The following ITPR2 variants were observed in gnomAD, a reference collection of about 807,000 sequenced individuals.
The protein encoded by ITPR2 is inositol 1,4,5-trisphosphate receptor type 2, also known as inositol 1,4,5-trisphosphate-gated calcium channel ITPR2.
Under a neutral mutation model 317.1 loss-of-function variants are expected in ITPR2, and 207 were observed. The observed-to-expected ratio is 0.65, with a 90% CI of 0.58 to 0.73. ITPR2 has a LOEUF of 0.73. Ranked by LOEUF, ITPR2 falls within the 30% of genes least tolerant of loss-of-function variation. The pLI is 0.00. For synonymous variants in ITPR2, 1,156 were observed against 1,149.1 expected (o/e 1.01, Z -0.12); for missense variants, 2,613 against 3,284.0 (o/e 0.80, Z 4.99).
Position 26,772,762 on chromosome 12 carries a change from C to A in ITPR2, c.163+17395G>T, listed in dbSNP as rs140866831. Among the ~76,000 whole-genome samples, 1,261 of 149,918 alleles carry A rather than the reference C, an allele frequency of 8.4e-3. 20 individuals carry two copies. Among genetic ancestry groups the A allele is most frequent in the African/African-American group, 0.029 (1,177 of 40,816 alleles). On this transcript the variant is annotated intron_variant, in intron 2 of 56. Coordinates refer to ENST00000381340, the MANE Select transcript of ITPR2 (RefSeq NM_002223.4). ...TTTTCTTTTTCTTTTTTTACTTTAACTTCTGGGATACACGAGCAGAACATG... is the reference window on the plus strand; with the variant it reads ...TTTTCTTTTTCTTTTTTTACTTTAAATTCTGGGATACACGAGCAGAACATG...
At chr12:26,475,776 G>A (rs1416041110) in intron 44 of ITPR2, among the ~76,000 whole-genome samples, 1 of 152,152 alleles carries the variant, frequency 6.6e-6, no homozygotes, top group Non-Finnish European at 1.5e-5. Flanking sequence ...AACAGTGGAT[G>A]GGAGAGAGTA....
chr12:26,521,135 A>T (rs1943650852), intron 37 of ITPR2, among the ~76,000 whole-genome samples: 1 of 152,036 alleles, frequency 6.6e-6, no homozygotes. Flanking sequence ...ATGCTGATTT[A>T]TTTTATTACC....
chr12:26,731,549 C>T (rs1015951493), intron 2 of ITPR2, among the ~76,000 whole-genome samples: 1 of 152,188 alleles, frequency 6.6e-6, no homozygotes, highest in Non-Finnish European at 1.5e-5. Context: ...ATAATCCCAG[C>T]ACTCTGGGAG....
At chr12:26,642,032 G>A (rs1482180390) in intron 21 of ITPR2, among the ~76,000 whole-genome samples, 1 of 152,144 alleles carries the variant, frequency 6.6e-6, no homozygotes, top group East Asian at 1.9e-4. Context: ...GCTGGTGAGA[G>A]AACCAGCCTC....
chr12:26,768,994 A>AACACACACAC (rs143843238), intron 2 of ITPR2, among the ~76,000 whole-genome samples: 27,828 of 96,630 alleles, frequency 0.29, 3,440 homozygotes, highest in East Asian at 0.61. Context: ...CATCCAGTAG[A>AACACACACAC]ACACACACAC....
intron 1 of ITPR2, among the ~76,000 whole-genome samples, chr12:26,815,966 G>A (rs1321072621): frequency 1.3e-5 from 2 of 151,840 alleles, no homozygotes; most frequent in East Asian, 1.9e-4. Context: ...GGTGGCACAC[G>A]CCTGTAGTCC....
intron 37 of ITPR2, among the ~76,000 whole-genome samples, chr12:26,537,610 G>T (rs1480685764): frequency 1.3e-5 from 2 of 152,134 alleles, no homozygotes; most frequent in Non-Finnish European, 2.9e-5. Flanking sequence ...ATAAGCATTT[G>T]ATTAGATTTT....
At chr12:26,515,340 G>T (rs1234145581) in intron 37 of ITPR2, among the ~76,000 whole-genome samples, 1 of 152,108 alleles carries the variant, frequency 6.6e-6, no homozygotes, top group African/African-American at 2.4e-5. Flanking sequence ...TCTGGGGCAA[G>T]TGTGAACATT....
chr12:26,346,680 T>C (rs1320356658), intron 55 of ITPR2, among the ~76,000 whole-genome samples: 1 of 151,894 alleles, frequency 6.6e-6, no homozygotes, highest in African/African-American at 2.4e-5. Flanking sequence ...AAATGTGATA[T>C]CTGATCTGTG....
intron 37 of ITPR2, among the ~76,000 whole-genome samples, chr12:26,526,257 T>C (rs1325128807): frequency 6.6e-6 from 1 of 152,144 alleles, no homozygotes; most frequent in Non-Finnish European, 1.5e-5. Flanking sequence ...GGGAAGTTAT[T>C]TTAGATAGAG....
intron 26 of ITPR2, among the ~76,000 whole-genome samples, chr12:26,613,896 C>G (rs1270314875): frequency 1.3e-5 from 2 of 152,162 alleles, no homozygotes; most frequent in Non-Finnish European, 2.9e-5. Context: ...AATATGGTTA[C>G]AGAATGTAGT....
At chr12:26,416,180 T>C (rs1940715086) in intron 50 of ITPR2, among the ~76,000 whole-genome samples, 1 of 152,216 alleles carries the variant, frequency 6.6e-6, no homozygotes, top group Non-Finnish European at 1.5e-5. Context: ...TAATTGATTT[T>C]CTCTAATAGG....
chr12:26,561,939 T>C lies in ITPR2; in HGVS notation c.4644A>G (p.Gly1548=). 2.6e-6 allele frequency: 4 copies of C among 1,514,522 alleles called. No homozygotes were observed. Among genetic ancestry groups the C allele is most frequent in the Non-Finnish European group, 3.5e-6 (4 of 1,139,622 alleles). 93.8% of individuals were successfully genotyped at this position (1,514,522 alleles called of 1,614,324 possible). ...TGTCCAAATCCACTGGAATGGCAAT[T>C]CCACGATTTTTTGCTGAAAAAGAAA... is the stretch of plus-strand genomic sequence containing the variant. ...RTLAEVAKNR[G]IAIPVDLDSQ... is the part of the protein sequence containing the mutation. Residue 1548 remains glycine (G), a synonymous_variant, in exon 35 of 57, where the codon GGA becomes GGG. Coordinates refer to ENST00000381340, the MANE Select transcript of ITPR2 (RefSeq NM_002223.4).
Position 26,753,802 on chromosome 12 carries a change from C to T in ITPR2, c.164-28037G>A, listed in dbSNP as rs555303363. On this transcript the variant is annotated intron_variant, in intron 2 of 56. Coordinates refer to ENST00000381340, the MANE Select transcript of ITPR2 (RefSeq NM_002223.4). ...ACACCTATAAGCCTGCTGTTCAAGA[C>T]GACCCAGCAAACTGGCCAGTTACAA... 1.5e-4 allele frequency among the ~76,000 whole-genome samples: 23 copies of T among 152,220 alleles called. No homozygotes were observed. The South Asian group carries it at 2.7e-3, about 18-fold the overall frequency.
chr12:26,346,603 TACAAGAGTAAAG>T (rs1402429400), intron 55 of ITPR2, among the ~76,000 whole-genome samples: 1 of 149,194 alleles, frequency 6.7e-6, no homozygotes, highest in African/African-American at 2.5e-5. Flanking sequence ...CAGCCTGGGC[TACAAGAGTAAAG>T]ACTTTCTCAA....
At chr12:26,355,101 C>A (rs1414806369) in intron 55 of ITPR2, among the ~76,000 whole-genome samples, 2 of 152,138 alleles carry the variant, frequency 1.3e-5, no homozygotes, top group African/African-American at 4.8e-5. Flanking sequence ...TTTAATGAGA[C>A]CTCTAGGTGG....
intron 45 of ITPR2, among the ~76,000 whole-genome samples, chr12:26,448,648 G>T (rs1329529672): frequency 6.6e-6 from 1 of 152,102 alleles, no homozygotes; most frequent in Non-Finnish European, 1.5e-5. Context: ...GTGAGGAGGG[G>T]ATCCAAAGCA....
intron 45 of ITPR2, among the ~76,000 whole-genome samples, chr12:26,456,255 C>T (rs1438134687): frequency 6.6e-6 from 1 of 152,218 alleles, no homozygotes; most frequent in Non-Finnish European, 1.5e-5. Flanking sequence ...ACCAAGATGG[C>T]AATGAAAGTG....
At chr12:26,607,744 C>A (rs1006907667) in intron 26 of ITPR2, among the ~76,000 whole-genome samples, 1 of 152,150 alleles carries the variant, frequency 6.6e-6, no homozygotes, top group Admixed American at 6.5e-5. Context: ...TATCCATAAC[C>A]GTACCCCAAA....
Sources: gnomAD v4.1 joint callset for allele counts (sites outside exome capture counted in the v4.1 genomes callset) on GRCh38, gnomAD v4.1.1 for gene constraint, MANE v1.5 for transcripts, NCBI Gene and HGNC (gene_info 2026-07-23, HGNC 2026-07-21) for gene names.